Variants in EPCIP observed in about 807,000 individuals in gnomAD.
EPCIP encodes exosomal polycystin 1 interacting protein, also known as exosomal polycystin-1-interacting protein.
the EPCIP span, among the ~76,000 whole-genome samples, chr21:32,800,928 G>A: frequency 2.6e-5 from 4 of 152,082 alleles, no homozygotes; most frequent in African/African-American, 4.8e-5. Flanking sequence ...TACTTATTGC[G>A]TCTTACAACC....
the EPCIP span, among the ~76,000 whole-genome samples, chr21:32,801,317 C>A: frequency 6.6e-6 from 1 of 152,162 alleles, no homozygotes; most frequent in South Asian, 2.1e-4. Flanking sequence ...TATTGCTTTG[C>A]AACTTAGGAT....
the EPCIP span, among the ~76,000 whole-genome samples, chr21:32,809,296 C>CTT: frequency 8.2e-6 from 1 of 121,348 alleles, no homozygotes; most frequent in South Asian, 2.9e-4. Context: ...TTCTTTCTTT[C>CTT]TTTCTTTCTT....
At chr21:32,793,576 C>T in the EPCIP span, 10 of 672,010 alleles carry the variant, frequency 1.5e-5, no homozygotes, top group East Asian at 2.5e-5. Flanking sequence ...AAAGTGTTCT[C>T]GCAGTTGGGC....
At chr21:32,804,793 G>T in the EPCIP span, among the ~76,000 whole-genome samples, 1 of 152,148 alleles carries the variant, frequency 6.6e-6, no homozygotes, top group Non-Finnish European at 1.5e-5. Flanking sequence ...GAAATTATTA[G>T]TGAGCTAGTC....
At chr21:32,793,801 C>T in the EPCIP span, 1 of 1,614,152 alleles carries the variant, frequency 6.2e-7, no homozygotes, top group Non-Finnish European at 8.5e-7. Flanking sequence ...TGTTGCTTGG[C>T]ATTGGGAAGG....
At chr21:32,808,277 C>T in the EPCIP span, among the ~76,000 whole-genome samples, 2 of 151,650 alleles carry the variant, frequency 1.3e-5, no homozygotes, top group African/African-American at 4.9e-5. Flanking sequence ...AGACACTAAT[C>T]CCTTTGCTAG....
chr21:32,793,990 G>T, the EPCIP span: 1 of 1,614,142 alleles, frequency 6.2e-7, no homozygotes, highest in Non-Finnish European at 8.5e-7. Context: ...TGTCCCCACC[G>T]CTATGGATGA....
chr21:32,812,820 A>G, the EPCIP span, among the ~76,000 whole-genome samples: 4 of 152,316 alleles, frequency 2.6e-5, no homozygotes, highest in South Asian at 8.3e-4. Context: ...TGCTTATTAA[A>G]CAAAGAAATA....
chr21:32,799,711 G>T, the EPCIP span, among the ~76,000 whole-genome samples: 3 of 152,194 alleles, frequency 2.0e-5, no homozygotes, highest in African/African-American at 7.2e-5. Flanking sequence ...GTAGGCTGAG[G>T]GGGGCAGATC....
chr21:32,807,215 G>C, the EPCIP span, among the ~76,000 whole-genome samples: 2 of 151,946 alleles, frequency 1.3e-5, no homozygotes, highest in Admixed American at 1.3e-4. Context: ...GGTTTCCCCA[G>C]TCCTTAGCAC....
At chr21:32,810,849 C>A in the EPCIP span, among the ~76,000 whole-genome samples, 1 of 152,186 alleles carries the variant, frequency 6.6e-6, no homozygotes, top group Non-Finnish European at 1.5e-5. Context: ...AGAAATGTTA[C>A]TGTACCAGTA....
At chr21:32,798,024 A>G in the EPCIP span, 2 of 152,210 alleles carry the variant, frequency 1.3e-5, no homozygotes, top group Non-Finnish European at 2.9e-5. Context: ...TAAATAAATA[A>G]ATAAACCTCT....
At chr21:32,793,684 A>G in the EPCIP span, 3 of 1,343,802 alleles carry the variant, frequency 2.2e-6, no homozygotes, top group Admixed American at 5.0e-5. Flanking sequence ...TACCTATCTC[A>G]CGGCCTTATT....
the EPCIP span, chr21:32,794,222 AG>A: frequency 6.2e-7 from 1 of 1,614,290 alleles, no homozygotes; most frequent in Non-Finnish European, 8.5e-7. Context: ...TGCAAGGGGC[AG>A]GACGGTTTTA....
the EPCIP span, among the ~76,000 whole-genome samples, chr21:32,809,223 G>GTGTGTGTGTGTGTGT: frequency 6.9e-6 from 1 of 145,966 alleles, no homozygotes; most frequent in African/African-American, 2.5e-5. Context: ...GTGTGTGTGT[G>GTGTGTGTGTGTGTGT]ATGTCTCACT....
At chr21:32,810,484 C>T in the EPCIP span, 7 of 434,404 alleles carry the variant, frequency 1.6e-5, no homozygotes, top group African/African-American at 1.0e-4. Flanking sequence ...GATGGTCTGA[C>T]TCTCCTGACC....
At chr21:32,800,967 T>C in the EPCIP span, among the ~76,000 whole-genome samples, 1 of 152,218 alleles carries the variant, frequency 6.6e-6, no homozygotes, top group East Asian at 1.9e-4. Context: ...CTAGTCCCTG[T>C]GAATGCCATG....
chr21:32,804,569 T>C, the EPCIP span, among the ~76,000 whole-genome samples: 1 of 151,998 alleles, frequency 6.6e-6, no homozygotes, highest in Non-Finnish European at 1.5e-5. Context: ...TGATAACAAA[T>C]GTATTACCAT....
chr21:32,812,136 G>A, the EPCIP span, among the ~76,000 whole-genome samples: 2 of 152,210 alleles, frequency 1.3e-5, no homozygotes, highest in Non-Finnish European at 2.9e-5. Flanking sequence ...GTGAGCCACT[G>A]GGAAGTCCTA....
Sources: gnomAD v4.1 joint callset for allele counts (sites outside exome capture counted in the v4.1 genomes callset) on GRCh38, gnomAD v4.1.1 for gene constraint, MANE v1.5 for transcripts, NCBI Gene and HGNC (gene_info 2026-07-23, HGNC 2026-07-21) for gene names.